Variants in FHIP1A observed in about 807,000 individuals in gnomAD.
FHIP1A encodes FHF complex subunit HOOK interacting protein 1A.
Under a neutral mutation model 88.6 loss-of-function variants are expected in FHIP1A, and 61 were observed. That is an observed-to-expected ratio of 0.69 (90% CI 0.56 to 0.85). FHIP1A has a LOEUF of 0.85. FHIP1A is among the 40% of genes least tolerant of loss of function. The probability of loss-of-function intolerance (pLI) is 0.00; values close to 1 mark genes in which losing one functional copy is unlikely to be tolerated. For synonymous variants in FHIP1A, 478 were observed against 496.0 expected, an observed-to-expected ratio of 0.96 and a Z score of 0.48; for missense variants, 1,154 against 1,273.5, an observed-to-expected ratio of 0.91 and a Z score of 1.43.
chr4:151,641,418 A>G (rs1182016514), intron 9 of FHIP1A, among the ~76,000 whole-genome samples: 2 of 152,252 alleles, frequency 1.3e-5, no homozygotes, highest in Admixed American at 1.3e-4. Context: ...AAATGTTTTG[A>G]AATGCTGTAA....
rs537492478 is a variant in FHIP1A, at chr4:151,554,213, G to A, written c.-122-11925G>A. Among the ~76,000 whole-genome samples, 37 of 152,258 alleles carry A rather than the reference G, an allele frequency of 2.4e-4. No homozygotes were observed. The South Asian group carries it at 7.5e-3, about 31-fold the overall frequency. On this transcript the variant is annotated intron_variant, in intron 3 of 13. Transcript: ENST00000435205. ...AATAGACAATTTAGTGTGGTGCCTGGCACAGAGTAAGTGCCCAATAAACAG... is the reference window on the plus strand; with the variant it reads ...AATAGACAATTTAGTGTGGTGCCTGACACAGAGTAAGTGCCCAATAAACAG...
At chr4:151,540,344 C>T (rs1197150350) in intron 3 of FHIP1A, among the ~76,000 whole-genome samples, 3 of 152,284 alleles carry the variant, frequency 2.0e-5, no homozygotes, top group East Asian at 1.9e-4. Context: ...TCTCTTTTTA[C>T]AGAAAACAGT....
At chr4:151,555,856 A>G (rs998505175) in intron 3 of FHIP1A, among the ~76,000 whole-genome samples, 1 of 152,200 alleles carries the variant, frequency 6.6e-6, no homozygotes, top group African/African-American at 2.4e-5. Context: ...TGTGCAAGCA[A>G]CAAATATAGA....
chr4:151,557,707 G>A (rs1733005169), intron 3 of FHIP1A, among the ~76,000 whole-genome samples: 1 of 152,216 alleles, frequency 6.6e-6, no homozygotes, highest in Admixed American at 6.5e-5. Context: ...CTGTGGCAGA[G>A]AAGTTGCTCA....
At chr4:151,512,072 T>C (rs1731055726) in intron 3 of FHIP1A, among the ~76,000 whole-genome samples, 1 of 152,124 alleles carries the variant, frequency 6.6e-6, no homozygotes, top group Admixed American at 6.5e-5. Flanking sequence ...CACGGCCGGG[T>C]ACTCCTCTGA....
rs766347001 is a variant in FHIP1A at position 151,649,549 on chromosome 4, AC to A, written c.1510del (p.Leu504CysfsTer12). On this transcript the variant is annotated frameshift_variant, in exon 11 of 14. Transcript: ENST00000435205. LOFTEE classifies it high-confidence loss of function. ...GKALDISYLQ[Y>X]LWEAHTNILR... ...GCCCTGGACATCAGCTACCTGCAGTACCTGTGGGAGGCCCACACCAACATCC... is the reference window on the plus strand; with the variant it reads ...GCCCTGGACATCAGCTACCTGCAGTACTGTGGGAGGCCCACACCAACATCC... 3 of 1,551,652 alleles carry A rather than the reference AC, an allele frequency of 1.9e-6. No homozygotes were observed. Among genetic ancestry groups the A allele is most frequent in the Non-Finnish European group, 2.6e-6 (3 of 1,146,944 alleles).
Position 151,413,673 on chromosome 4 carries a change from T to A in FHIP1A, c.-356+4208T>A, listed in dbSNP as rs370106339. On this transcript the variant is annotated intron_variant, in intron 1 of 13. Transcript: ENST00000435205. ...TTTCACCATGTTGGCCAGGCTGGTC[T>A]CGAATTCCTGGCCTCAAGTGATCCG... is the stretch of plus-strand genomic sequence containing the variant. 7.9e-5 allele frequency among the ~76,000 whole-genome samples: 12 copies of A among 152,216 alleles called. No individual in the cohort carries two copies. In the East Asian group the frequency reaches 2.3e-3, roughly 30 times the overall value.
chr4:151,565,691 C>G (rs759142570), intron 3 of FHIP1A, among the ~76,000 whole-genome samples: 20 of 151,986 alleles, frequency 1.3e-4, no homozygotes, highest in Non-Finnish European at 2.9e-5. Flanking sequence ...TTTCCTGTTA[C>G]TGAGTGTTTT....
chr4:151,626,514 A>G (rs1735956412), intron 7 of FHIP1A, among the ~76,000 whole-genome samples: 1 of 152,206 alleles, frequency 6.6e-6, no homozygotes, highest in African/African-American at 2.4e-5. Context: ...TATCTTAGGG[A>G]TAATTACTCA....
intron 4 of FHIP1A, 94 bp from the exon 5 acceptor site, chr4:151,577,356 C>T (rs1733831891): frequency 8.1e-7 from 1 of 1,239,858 alleles, no homozygotes; most frequent in Non-Finnish European, 1.1e-6. Flanking sequence ...GTGGCTCCTG[C>T]ATTTTTGGTG....
rs146021344 is a variant in FHIP1A at position 151,491,011 on chromosome 4, C to T, written c.-123+8363C>T. Among the ~76,000 whole-genome samples, 22 of 151,834 alleles carry T rather than the reference C, an allele frequency of 1.4e-4. No homozygotes were observed. In the East Asian group the frequency reaches 4.3e-3, roughly 29 times the overall value. On this transcript the variant is annotated intron_variant, in intron 3 of 13. Transcript: ENST00000435205. ...TTTGAGATTATGTTAAATGACCAAA[C>T]ATAATAATTGGTATTCCTAAGGAAG... is the stretch of plus-strand genomic sequence containing the variant.
At chr4:151,415,927 C>T (rs1012830175) in intron 1 of FHIP1A, among the ~76,000 whole-genome samples, 2 of 149,634 alleles carry the variant, frequency 1.3e-5, no homozygotes. Flanking sequence ...TGCTAATTAG[C>T]TTTTATGGAG....
intron 1 of FHIP1A, among the ~76,000 whole-genome samples, chr4:151,415,833 G>A (rs986666134): frequency 2.6e-5 from 4 of 151,944 alleles, no homozygotes; most frequent in African/African-American, 9.7e-5. Flanking sequence ...CACATTTCAG[G>A]TTCTTTTTGG....
rs918604485 is a variant in FHIP1A at position 151,665,629 on chromosome 4, C to T, written c.*2875C>T. ...CCACGGGAGAAGAGCAAATCCTGCA[C>T]GATTCGGGGGAGTGAACATTGATCT... On this transcript the variant is annotated 3_prime_UTR_variant, in exon 14 of 14. Transcript: ENST00000435205. 6.6e-6 allele frequency among the ~76,000 whole-genome samples: 1 copy of T among 152,052 alleles called. No homozygotes were observed. The highest frequency in any genetic ancestry group is 1.9e-4 in the East Asian group (1 of 5,196).
At chr4:151,615,149 G>T (rs954402849) in intron 7 of FHIP1A, among the ~76,000 whole-genome samples, 1 of 151,528 alleles carries the variant, frequency 6.6e-6, no homozygotes, top group Non-Finnish European at 1.5e-5. Context: ...ATGGGAGACA[G>T]TGTCTTTGAC....
At chr4:151,410,771 GTA>G (rs1298694065) in intron 1 of FHIP1A, among the ~76,000 whole-genome samples, 1 of 152,190 alleles carries the variant, frequency 6.6e-6, no homozygotes, top group Non-Finnish European at 1.5e-5. Flanking sequence ...CTTTAATACA[GTA>G]TACTTGTTGG....
intron 1 of FHIP1A, among the ~76,000 whole-genome samples, chr4:151,413,200 A>G (rs1399582900): frequency 6.6e-6 from 1 of 152,200 alleles, no homozygotes; most frequent in Non-Finnish European, 1.5e-5. Flanking sequence ...GTAGGTGAAT[A>G]AATACCTTGA....
At chr4:151,451,806 C>CTTTTTTTTTCT (rs112946935) in intron 1 of FHIP1A, among the ~76,000 whole-genome samples, 2 of 147,770 alleles carry the variant, frequency 1.4e-5, no homozygotes, top group African/African-American at 5.0e-5. Context: ...CTTTTTCTTT[C>CTTTTTTTTTCT]TTTTTTTTCT....
At chr4:151,655,221 A>T (rs1244857446) in intron 11 of FHIP1A, among the ~76,000 whole-genome samples, 2 of 152,234 alleles carry the variant, frequency 1.3e-5, no homozygotes, top group African/African-American at 4.8e-5. Context: ...CATCATCAAT[A>T]GCTCCACCAA....
Sources: gnomAD v4.1 joint callset for allele counts (sites outside exome capture counted in the v4.1 genomes callset) on GRCh38, gnomAD v4.1.1 for gene constraint, MANE v1.5 for transcripts, NCBI Gene and HGNC (gene_info 2026-07-23, HGNC 2026-07-21) for gene names.